Variants in PROS1 observed in about 807,000 individuals in gnomAD.
PROS1 encodes the protein protein S.
In PROS1, 29 loss-of-function variants were observed where a neutral mutation model predicts 75.9. The observed-to-expected ratio is 0.38, with a 90% confidence interval of 0.28 to 0.52. The LOEUF is 0.52. Among genes scored for constraint, PROS1 ranks in the 20% least tolerant of loss-of-function variants. The pLI, the probability that PROS1 is intolerant of heterozygous loss-of-function variation, is 0.83. For missense variants in PROS1, 680 were observed against 810.3 expected (o/e 0.84, Z 1.95); for synonymous variants, 245 against 280.6 (o/e 0.87, Z 1.27).
intron 4 of PROS1, among the ~76,000 whole-genome samples, chr3:93,906,844 T>C (rs1440890260): frequency 6.6e-6 from 1 of 152,210 alleles, no homozygotes; most frequent in Non-Finnish European, 1.5e-5. Flanking sequence ...AAGCCAGCTG[T>C]TGTCGCAGCC....
intron 1 of PROS1, among the ~76,000 whole-genome samples, chr3:93,942,315 T>C (rs1709301958): frequency 6.6e-6 from 1 of 152,172 alleles, no homozygotes; most frequent in Non-Finnish European, 1.5e-5. Context: ...TCCGTCCATA[T>C]CCTGCACTAC....
At chr3:93,905,761 T>C in intron 6 of PROS1, 23 bp downstream of exon 6, 1 of 1,607,948 alleles carries the variant, frequency 6.2e-7, no homozygotes, top group South Asian at 1.1e-5. Flanking sequence ...AAATGTGTTT[T>C]AATTCTACCA....
chr3:93,932,331 C>A (rs1381695293), intron 1 of PROS1, among the ~76,000 whole-genome samples: 3 of 152,176 alleles, frequency 2.0e-5, no homozygotes, highest in Non-Finnish European at 4.4e-5. Context: ...AGAACACAGA[C>A]AACCAGCATC....
At chr3:93,903,815 C>CT (rs958371111) in intron 6 of PROS1, among the ~76,000 whole-genome samples, 29 of 147,318 alleles carry the variant, frequency 2.0e-4, no homozygotes, top group South Asian at 4.3e-4. Context: ...TAATGACAGT[C>CT]TTTTTTTTTT....
intron 10 of PROS1, among the ~76,000 whole-genome samples, chr3:93,891,927 T>C (rs1053578804): frequency 3.9e-5 from 6 of 152,216 alleles, no homozygotes; most frequent in Admixed American, 1.3e-4. Flanking sequence ...CTGCTTATAT[T>C]TGAATTTGAA....
intron 11 of PROS1, 55 bp downstream of exon 11, chr3:93,886,275 CAAATCT>C: frequency 1.4e-6 from 2 of 1,473,102 alleles, no homozygotes; most frequent in Non-Finnish European, 1.9e-6. Context: ...CACACATATT[CAAATCT>C]ATTACAGACA....
In PROS1 at chr3:93,874,352, C is replaced by A; in HGVS notation, c.1924G>T (p.Val642Leu). Residue 642 changes from valine to leucine, a missense_variant, in exon 15 of 15, where the codon GTG becomes TTG. Physicochemically the swap from Val to Leu is conservative, Grantham distance 32. Transcript: ENST00000394236. ...TCCAACTGTACACCATTAATATTCA[C>A]TTCCATGCAGCCATTATAAAAGGCA... The part of the protein sequence containing the change: ...VNAFYNGCME[V>L]NINGVQLDLD... 6.2e-7 allele frequency: 1 copy of A among 1,613,460 alleles called. No individual in the cohort carries two copies.
chr3:93,877,157 T>C lies in PROS1; in HGVS notation c.1679A>G (p.Tyr560Cys), dbSNP rs1256053980. 3.7e-6 allele frequency: 6 copies of C among 1,608,518 alleles called. No homozygotes were observed. The highest frequency in any genetic ancestry group is 4.3e-6 in the Non-Finnish European group (5 of 1,174,954). Residue 560 changes from tyrosine to cysteine, a missense_variant, in exon 14 of 15, where the codon TAT becomes TGT. Physicochemically the swap from Tyr to Cys is radical, Grantham distance 194. Transcript: ENST00000394236. ...ACATAGACTTAGGGCCTGTATCCGA[T>C]ATATTACAGTATTTTCAACAGATAA... ...ILLSVENTVI[Y>C]RIQALSLCSD...
intron 3 of PROS1, among the ~76,000 whole-genome samples, chr3:93,917,047 G>A (rs1162695255): frequency 6.6e-6 from 1 of 152,160 alleles, no homozygotes; most frequent in Non-Finnish European, 1.5e-5. Context: ...CACAGAAGAC[G>A]CATCACATAA....
chr3:93,910,785 A>T, intron 3 of PROS1, 80 bp from the exon 4 acceptor site: 1 of 1,163,528 alleles, frequency 8.6e-7, no homozygotes, highest in Admixed American at 2.0e-5. Flanking sequence ...CTGTCCCAAG[A>T]GGTAGGACAT....
chr3:93,909,522 A>T (rs1475714625), intron 4 of PROS1, among the ~76,000 whole-genome samples: 8 of 151,362 alleles, frequency 5.3e-5, no homozygotes, highest in Non-Finnish European at 4.4e-5. Flanking sequence ...GCACTTTATC[A>T]ATATGGCAAA....
intron 1 of PROS1, among the ~76,000 whole-genome samples, chr3:93,951,394 C>G (rs1390267416): frequency 6.6e-6 from 1 of 152,216 alleles, no homozygotes; most frequent in Non-Finnish European, 1.5e-5. Context: ...AATAGCAGAT[C>G]TCTCGGCAGA....
intron 14 of PROS1, 22 bp downstream of exon 14, chr3:93,876,944 T>A: frequency 2.0e-6 from 3 of 1,469,542 alleles, no homozygotes; most frequent in Non-Finnish European, 2.8e-6. Flanking sequence ...TTTTTAAAAC[T>A]GAAGAAAAAG....
At chr3:93,969,122 C>CTTTTTTTTTTTTTT (rs773990991) in intron 1 of PROS1, among the ~76,000 whole-genome samples, 1 of 114,346 alleles carries the variant, frequency 8.7e-6, no homozygotes, top group East Asian at 2.6e-4. Context: ...CTTTTGTTTT[C>CTTTTTTTTTTTTTT]TTTTTTTTTT....
intron 1 of PROS1, among the ~76,000 whole-genome samples, chr3:93,962,242 G>T (rs1294269861): frequency 1.3e-5 from 2 of 151,946 alleles, no homozygotes; most frequent in Admixed American, 6.6e-5. Flanking sequence ...GGATTAACAA[G>T]CAGAGATCTC....
chr3:93,965,173 A>G lies in PROS1; in HGVS notation c.76+8501T>C, dbSNP rs140727173. ...CCCCCTTTGGGTCCCCTCCCTTTGT[A>G]TGGGAGCTCTGTTTTCACTCTATTT... On this transcript the variant is annotated intron_variant, in intron 1 of 14. Transcript: ENST00000394236. Among the ~76,000 whole-genome samples, 196 of 152,294 alleles carry G rather than the reference A, an allele frequency of 1.3e-3. 6 individuals carry two copies. The East Asian group carries it at 0.032, about 25-fold the overall frequency.
At position 93,893,012 on chromosome 3, in the gene PROS1, A is replaced by G. The variant is rs1419007984; in HGVS notation, c.1076T>C (p.Ile359Thr). 6.2e-7 allele frequency: 1 copy of G among 1,613,658 alleles called. No individual in the cohort carries two copies. The highest frequency in any genetic ancestry group is 8.5e-7 in the Non-Finnish European group (1 of 1,179,904). Residue 359 changes from isoleucine (I) to threonine (T), a missense_variant, in exon 10 of 15, where the codon ATT (isoleucine) becomes ACT (threonine). By Grantham distance (89) the Ile-to-Thr change is moderately conservative. Coordinates refer to ENST00000394236, the MANE Select transcript of PROS1 (RefSeq NM_000313.4). ...WLLIALRGGK[I>T]EVQLKNEHTS... ...ATGTTCATTCTTAAGCTGAACTTCA[A>G]TCTTTCCACCACGAAGTGCAATCAG...
intron 7 of PROS1, among the ~76,000 whole-genome samples, chr3:93,899,524 T>C (rs1708554172): frequency 2.0e-5 from 3 of 152,156 alleles, no homozygotes; most frequent in South Asian, 4.1e-4. Flanking sequence ...ATACAAGTGA[T>C]GAAGTTGGCT....
intron 1 of PROS1, among the ~76,000 whole-genome samples, chr3:93,943,833 C>T (rs1709334373): frequency 6.6e-6 from 1 of 152,144 alleles, no homozygotes; most frequent in Non-Finnish European, 1.5e-5. Flanking sequence ...GAAATTACTT[C>T]CCCTGGCTCA....
Sources: gnomAD v4.1 joint callset for allele counts (sites outside exome capture counted in the v4.1 genomes callset) on GRCh38, gnomAD v4.1.1 for gene constraint, MANE v1.5 for transcripts, NCBI Gene and HGNC (gene_info 2026-07-23, HGNC 2026-07-21) for gene names.